Variants in ARHGEF28 observed in about 807,000 individuals in gnomAD.
The protein encoded by ARHGEF28 is Rho guanine nucleotide exchange factor 28.
ARHGEF28 carries 152 observed loss-of-function variants against 206.6 expected under a neutral mutation model. The observed-to-expected ratio is 0.74, with a 90% CI of 0.64 to 0.84. The LOEUF (loss-of-function observed/expected upper bound fraction) is 0.84, where lower values mean the gene tolerates loss of function less well. ARHGEF28 is among the 40% of genes least tolerant of loss of function. ARHGEF28 has a pLI of 0.00. For missense variants in ARHGEF28, 2,028 were observed against 2,073.2 expected, an observed-to-expected ratio of 0.98 and a Z score of 0.42; for synonymous variants, 763 against 776.4, an observed-to-expected ratio of 0.98 and a Z score of 0.29.
At chr5:73,771,145 T>A (rs1401841476) in intron 4 of ARHGEF28, among the ~76,000 whole-genome samples, 1 of 152,242 alleles carries the variant, frequency 6.6e-6, no homozygotes, top group Non-Finnish European at 1.5e-5. Flanking sequence ...ACAAAAGGTT[T>A]AGATGTTCCC....
At chr5:73,630,151 TAATA>T (rs1257823949) in intron 1 of ARHGEF28, among the ~76,000 whole-genome samples, 3 of 152,256 alleles carry the variant, frequency 2.0e-5, no homozygotes, top group Admixed American at 1.3e-4. Flanking sequence ...GACATTCCCT[TAATA>T]AATAGATGAA....
chr5:73,658,333 T>A (rs1745360093), intron 1 of ARHGEF28, among the ~76,000 whole-genome samples: 1 of 152,134 alleles, frequency 6.6e-6, no homozygotes, highest in Admixed American at 6.6e-5. Flanking sequence ...CAGAGACCTG[T>A]CTTACTCACC....
intron 1 of ARHGEF28, among the ~76,000 whole-genome samples, chr5:73,651,794 C>A (rs1013731313): frequency 2.6e-5 from 4 of 152,072 alleles, no homozygotes; most frequent in African/African-American, 9.7e-5. Flanking sequence ...TTTCTTATAA[C>A]TCGTGAAGTA....
At chr5:73,682,474 A>G (rs1280234086) in intron 1 of ARHGEF28, among the ~76,000 whole-genome samples, 2 of 151,180 alleles carry the variant, frequency 1.3e-5, no homozygotes, top group African/African-American at 4.9e-5. Flanking sequence ...CTGGAGTACA[A>G]TGGCACAATC....
intron 1 of ARHGEF28, among the ~76,000 whole-genome samples, chr5:73,680,861 A>G (rs184758753): frequency 1.8e-4 from 27 of 152,034 alleles, no homozygotes; most frequent in African/African-American, 5.8e-4. Context: ...TCATAAAGAA[A>G]TTCCTTTTAT....
intron 2 of ARHGEF28, among the ~76,000 whole-genome samples, chr5:73,739,466 G>A (rs1453006992): frequency 6.6e-5 from 10 of 152,106 alleles, no homozygotes. Flanking sequence ...AATAAACTAA[G>A]CATAAATCCA....
chr5:73,727,769 C>T (rs549064755), intron 2 of ARHGEF28, among the ~76,000 whole-genome samples: 1 of 152,276 alleles, frequency 6.6e-6, no homozygotes, highest in East Asian at 1.9e-4. Flanking sequence ...CATAGTGTGG[C>T]CCTCAACATC....
In ARHGEF28 at chr5:73,858,273, C is replaced by A. The variant is rs1579996433; in HGVS notation, c.2047+54C>A. 4 of 1,519,500 alleles carry A rather than the reference C, an allele frequency of 2.6e-6. No homozygotes were observed. In the East Asian group the frequency reaches 9.2e-5, roughly 35 times the overall value. 94.1% of individuals were successfully genotyped at this position (1,519,500 alleles called of 1,614,324 possible). A position where few individuals can be genotyped will look rare whatever the true frequency, so the allele number is the denominator to read the frequency against. On this transcript the variant is annotated intron_variant, in intron 16 of 35. Coordinates refer to ENST00000513042, the MANE Select transcript of ARHGEF28 (RefSeq NM_001177693.2). ...TTTGTTTTCATCTCCTGACAGTAAC[C>A]TTGGGAAGAGGCTCATTGCTCAATA...
chr5:73,898,870 C>T (rs923010443), intron 30 of ARHGEF28: 5 of 152,110 alleles, frequency 3.3e-5, no homozygotes, highest in African/African-American at 1.2e-4. Context: ...GTGGTAACAA[C>T]CTTACTTCCA....
chr5:73,871,492 T>G (rs980401525), intron 21 of ARHGEF28, among the ~76,000 whole-genome samples: 1 of 152,346 alleles, frequency 6.6e-6, no homozygotes. Context: ...TATTTAAGGT[T>G]CTTTCCCAAA....
intron 14 of ARHGEF28, 89 bp from the exon 15 acceptor site, chr5:73,857,567 A>T: frequency 2.3e-6 from 1 of 427,300 alleles, no homozygotes; most frequent in Non-Finnish European, 3.5e-6. Context: ...ATATGTGTAC[A>T]CACACACACA....
At chr5:73,865,143 G>A (rs1188074411) in intron 17 of ARHGEF28, among the ~76,000 whole-genome samples, 1 of 152,140 alleles carries the variant, frequency 6.6e-6, no homozygotes, top group East Asian at 1.9e-4. Context: ...GCAAGCCCTG[G>A]GTACCTGCAA....
intron 28 of ARHGEF28, among the ~76,000 whole-genome samples, chr5:73,893,531 G>T (rs150856402): frequency 6.6e-6 from 1 of 152,332 alleles, no homozygotes; most frequent in East Asian, 1.9e-4. Context: ...AACAACAGCT[G>T]TGGGCAGTGT....
chr5:73,740,949 G>A (rs1751342238), intron 2 of ARHGEF28, among the ~76,000 whole-genome samples: 1 of 152,074 alleles, frequency 6.6e-6, no homozygotes, highest in African/African-American at 2.4e-5. Context: ...TTCCTTCTTG[G>A]TTTATGTAGT....
intron 1 of ARHGEF28, among the ~76,000 whole-genome samples, chr5:73,635,791 A>G (rs543772164): frequency 1.3e-5 from 2 of 152,328 alleles, no homozygotes; most frequent in East Asian, 1.9e-4. Flanking sequence ...AGCAGTTATC[A>G]CAGCCCCTAG....
intron 1 of ARHGEF28, among the ~76,000 whole-genome samples, chr5:73,677,556 G>C (rs1286349382): frequency 6.6e-6 from 1 of 152,174 alleles, no homozygotes; most frequent in East Asian, 1.9e-4. Context: ...CCATGTAAAT[G>C]TTATATTTAC....
Position 73,773,945 on chromosome 5 carries a change from T to C in ARHGEF28, c.566T>C (p.Val189Ala), listed in dbSNP as rs762638008. The change falls in exon 5 of 36, where the codon GTC becomes GCC. Residue 189 changes from valine to alanine, a missense_variant. By Grantham distance (64) the Val-to-Ala change is moderately conservative (BLOSUM62 0). This residue lies in a region of ARHGEF28 where 1,002 missense variants were observed against 1,015.3 expected (regional missense o/e 0.99). Transcript: ENST00000513042. Reference protein sequence around the residue: ...SQFFLCLPGGVQALALPNEEG... With the variant: ...SQFFLCLPGGAQALALPNEEG... ...TTCTTCTTGTGTCTCCCGGGGGGAG[T>C]CCAGGCCTTGGCTTTACCCAACGAA... The C allele has an allele frequency of 5.0e-6, 8 of 1,607,364 alleles. No homozygotes were observed.
At chr5:73,795,509 C>T in intron 9 of ARHGEF28, 118 bp downstream of exon 9, 1 of 854,582 alleles carries the variant, frequency 1.2e-6, no homozygotes, top group South Asian at 1.7e-5. Context: ...TTATCTATTT[C>T]CTGAAACGCA....
chr5:73,650,121 T>G (rs767223801), intron 1 of ARHGEF28, among the ~76,000 whole-genome samples: 1 of 152,140 alleles, frequency 6.6e-6, no homozygotes, highest in Non-Finnish European at 1.5e-5. Context: ...CTAAACATGC[T>G]GCTTAGGACA....
Sources: gnomAD v4.1 joint callset for allele counts (sites outside exome capture counted in the v4.1 genomes callset) on GRCh38, gnomAD v4.1.1 for gene constraint, gnomAD v4.1.1 regional missense constraint, MANE v1.5 for transcripts, NCBI Gene and HGNC (gene_info 2026-07-23, HGNC 2026-07-21) for gene names.